Variants in MEGF10 observed in about 807,000 individuals in gnomAD.
MEGF10 encodes multiple EGF like domains 10.
MEGF10 carries 86 observed loss-of-function variants against 147.5 expected under a neutral mutation model. That is an observed-to-expected ratio of 0.58 (90% CI 0.49 to 0.70). The LOEUF is 0.70. Ranked by LOEUF, MEGF10 falls within the 30% of genes least tolerant of loss-of-function variation. MEGF10 has a pLI of 0.00. For missense variants in MEGF10, 1,329 were observed against 1,487.3 expected (o/e 0.89, Z 1.75); for synonymous variants, 478 against 525.5 (o/e 0.91, Z 1.24).
the MEGF10 span, among the ~76,000 whole-genome samples, chr5:127,241,669 T>C: frequency 6.6e-6 from 1 of 152,300 alleles, no homozygotes; most frequent in East Asian, 1.9e-4. Flanking sequence ...ATTGTGGTTT[T>C]AGCCATTAAA....
intron 1 of MEGF10, among the ~76,000 whole-genome samples, chr5:127,304,661 T>G (rs1051552118): frequency 9.9e-5 from 15 of 152,244 alleles, no homozygotes; most frequent in Admixed American, 3.3e-4. Flanking sequence ...GCCCTGCTAA[T>G]TTTTGTATTT....
chr5:127,323,320 G>A (rs1340605342), intron 1 of MEGF10, among the ~76,000 whole-genome samples: 2 of 152,294 alleles, frequency 1.3e-5, no homozygotes, highest in Admixed American at 1.3e-4. Flanking sequence ...CTTCTAGAAA[G>A]TCACATGCTA....
At chr5:127,408,545 C>T (rs1764420329) in intron 8 of MEGF10, among the ~76,000 whole-genome samples, 1 of 152,160 alleles carries the variant, frequency 6.6e-6, no homozygotes, top group Non-Finnish European at 1.5e-5. Context: ...TTTAAAAATA[C>T]ACTCTGGTCC....
chr5:127,331,448 A>G, intron 2 of MEGF10, 24 bp downstream of exon 2: 1 of 1,399,854 alleles, frequency 7.1e-7, no homozygotes. Flanking sequence ...AAGGAGCCTG[A>G]CAAAGAATTG....
intron 22 of MEGF10, among the ~76,000 whole-genome samples, chr5:127,450,285 G>T (rs188504239): frequency 3.9e-5 from 6 of 152,344 alleles, no homozygotes; most frequent in Non-Finnish European, 8.8e-5. Context: ...GGAGCCTGAG[G>T]CAGGAGGATT....
intron 17 of MEGF10, among the ~76,000 whole-genome samples, chr5:127,439,040 C>T (rs1561647786): frequency 6.6e-6 from 1 of 152,180 alleles, no homozygotes; most frequent in Non-Finnish European, 1.5e-5. Context: ...CTAGTTCCAT[C>T]CCCAGAAAGC....
intron 1 of MEGF10, among the ~76,000 whole-genome samples, chr5:127,317,709 T>C (rs1479961141): frequency 1.3e-5 from 2 of 152,052 alleles, no homozygotes; most frequent in East Asian, 1.9e-4. Flanking sequence ...ATGAGAACAC[T>C]TGGACACAGG....
chr5:127,316,287 C>G (rs1760545798), intron 1 of MEGF10, among the ~76,000 whole-genome samples: 2 of 152,106 alleles, frequency 1.3e-5, no homozygotes, highest in South Asian at 4.1e-4. Flanking sequence ...AATACCATGC[C>G]TGCAAGAATC....
intron 19 of MEGF10, chr5:127,445,157 G>C (rs772676289): frequency 3.7e-5 from 13 of 354,752 alleles, no homozygotes; most frequent in Non-Finnish European, 6.8e-5. Context: ...GTCTCTAACT[G>C]CTAGGCTAGA....
intron 9 of MEGF10, among the ~76,000 whole-genome samples, chr5:127,412,488 G>A (rs536836815): frequency 6.6e-4 from 100 of 152,200 alleles, no homozygotes; most frequent in African/African-American, 2.3e-3. Context: ...TCAAGCAAGT[G>A]GAGCCTTGCT....
At chr5:127,307,223 C>T (rs1760055176) in intron 1 of MEGF10, among the ~76,000 whole-genome samples, 1 of 152,130 alleles carries the variant, frequency 6.6e-6, no homozygotes, top group South Asian at 2.1e-4. Flanking sequence ...ATGTTAGACA[C>T]CTGAAAAAAC....
intron 4 of MEGF10, among the ~76,000 whole-genome samples, chr5:127,364,024 C>A (rs1762569982): frequency 6.6e-6 from 1 of 152,196 alleles, no homozygotes; most frequent in Admixed American, 6.5e-5. Flanking sequence ...ACTTTTTCAG[C>A]TCAGATGTTT....
At chr5:127,446,095 C>T (rs1765933911) in intron 20 of MEGF10, among the ~76,000 whole-genome samples, 1 of 152,178 alleles carries the variant, frequency 6.6e-6, no homozygotes, top group Non-Finnish European at 1.5e-5. Context: ...TTTCTATGTG[C>T]TTCCCAGCCT....
chr5:127,324,106 G>A (rs1025349401), intron 1 of MEGF10, among the ~76,000 whole-genome samples: 2 of 152,072 alleles, frequency 1.3e-5, no homozygotes, highest in African/African-American at 4.8e-5. Flanking sequence ...CATCTTGGAG[G>A]CTGGCTACAA....
intron 4 of MEGF10, among the ~76,000 whole-genome samples, chr5:127,364,775 G>C (rs1762596261): frequency 6.6e-6 from 1 of 152,038 alleles, no homozygotes; most frequent in Non-Finnish European, 1.5e-5. Context: ...TCTGACTCCT[G>C]ACTCCTGGCC....
At chr5:127,252,660 G>T in the MEGF10 span, among the ~76,000 whole-genome samples, 21 of 151,818 alleles carry the variant, frequency 1.4e-4, no homozygotes, top group Non-Finnish European at 2.4e-4. Context: ...TTAACTCTGG[G>T]GATGGGTGGG....
At chr5:127,398,544 G>T in intron 6 of MEGF10, 132 bp from the exon 7 acceptor site, 1 of 1,034,986 alleles carries the variant, frequency 9.7e-7, no homozygotes, top group South Asian at 1.6e-5. Flanking sequence ...TAATGTTCTT[G>T]ATGTTAATTA....
At chr5:127,296,161 A>G (rs1223526187) in intron 1 of MEGF10, among the ~76,000 whole-genome samples, 5 of 152,234 alleles carry the variant, frequency 3.3e-5, no homozygotes, top group African/African-American at 1.2e-4. Context: ...ACTATGAGGG[A>G]AAAAGAAGGT....
the MEGF10 span, among the ~76,000 whole-genome samples, chr5:127,280,583 T>A: frequency 6.6e-6 from 1 of 152,298 alleles, no homozygotes; most frequent in East Asian, 1.9e-4. Flanking sequence ...CCGTTTGTAT[T>A]TGAGAAACAC....
Sources: gnomAD v4.1 joint callset for allele counts (sites outside exome capture counted in the v4.1 genomes callset) on GRCh38, gnomAD v4.1.1 for gene constraint, MANE v1.5 for transcripts, NCBI Gene and HGNC (gene_info 2026-07-23, HGNC 2026-07-21) for gene names.